Variants in CATSPERE observed in about 807,000 individuals in gnomAD.
CATSPERE encodes the protein cation channel sperm-associated auxiliary subunit epsilon.
CATSPERE carries 93 observed loss-of-function variants against 114.1 expected under a neutral mutation model. The observed-to-expected ratio is 0.81, with a 90% confidence interval of 0.69 to 0.97. The LOEUF (loss-of-function observed/expected upper bound fraction) is 0.97, where lower values mean the gene tolerates loss of function less well. Among genes scored for constraint, CATSPERE ranks in the 50% least tolerant of loss-of-function variants. CATSPERE has a pLI of 0.00. For missense variants in CATSPERE, 1,058 were observed against 1,131.6 expected (o/e 0.93, Z 0.93); for synonymous variants, 341 against 384.1 (o/e 0.89, Z 1.31).
intron 8 of CATSPERE, among the ~76,000 whole-genome samples, chr1:244,549,899 C>T (rs1254578172): frequency 6.6e-6 from 1 of 152,124 alleles, no homozygotes; most frequent in Non-Finnish European, 1.5e-5. Flanking sequence ...ATAACCCTCC[C>T]CAGTGTGGTT....
In CATSPERE at chr1:244,469,083, G is replaced by C. The variant is rs578004368; in HGVS notation, c.114+5127G>C. On this transcript the variant is annotated intron_variant, in intron 2 of 21. Transcript: ENST00000366534. ...ACCAAGTCACTTAAACATGAAGTTGGTAAGCATAGTGGGAACTTTCTGCAG... is the reference window on the plus strand; with the variant it reads ...ACCAAGTCACTTAAACATGAAGTTGCTAAGCATAGTGGGAACTTTCTGCAG... Among the ~76,000 whole-genome samples, 8 of 152,280 alleles carry C rather than the reference G, an allele frequency of 5.3e-5. No homozygotes were observed. The South Asian group carries it at 1.7e-3, about 32-fold the overall frequency.
intron 7 of CATSPERE, among the ~76,000 whole-genome samples, chr1:244,509,990 G>A (rs1029978200): frequency 6.6e-6 from 1 of 151,946 alleles, no homozygotes; most frequent in Non-Finnish European, 1.5e-5. Flanking sequence ...ACTCTAAGTA[G>A]CAGTTTATCG....
chr1:244,521,395 T>C (rs1416857433), intron 8 of CATSPERE, among the ~76,000 whole-genome samples: 2 of 152,058 alleles, frequency 1.3e-5, no homozygotes, highest in South Asian at 2.1e-4. Flanking sequence ...ATATGAAAAA[T>C]AAATGATATA....
chr1:244,460,167 A>T (rs1336597249), upstream of CATSPERE, among the ~76,000 whole-genome samples: 4 of 152,238 alleles, frequency 2.6e-5, no homozygotes, highest in African/African-American at 9.6e-5. Flanking sequence ...CAAAGACGGT[A>T]ACAACCCTTT....
Position 244,461,293 on chromosome 1 carries a change from T to G in CATSPERE, c.-137T>G. ...CGCGCACACTTCTCCCTCGCTGGTC[T>G]TCAGGCCCGGCCCGCCCTGTCCAGA... is the stretch of plus-strand genomic sequence containing the variant. On this transcript the variant is annotated 5_prime_UTR_variant, in exon 1 of 22. Coordinates refer to ENST00000366534, the MANE Select transcript of CATSPERE (RefSeq NM_001130957.2). 2 of 697,408 alleles carry G rather than the reference T, an allele frequency of 2.9e-6. No individual in the cohort carries two copies. Among genetic ancestry groups the G allele is most frequent in the East Asian group, 3.4e-5 (1 of 29,240 alleles). 43.2% of individuals were successfully genotyped at this position (697,408 alleles called of 1,614,324 possible). A position where few individuals can be genotyped will look rare whatever the true frequency, so the allele number is the denominator to read the frequency against.
upstream of CATSPERE, chr1:244,461,225 C>T (rs993125923): frequency 1.5e-5 from 6 of 405,530 alleles, no homozygotes; most frequent in South Asian, 5.5e-4. Flanking sequence ...ACTCCGGCTA[C>T]TTTCAGGCCT....
intron 14 of CATSPERE, 52 bp downstream of exon 14, chr1:244,588,586 G>T (rs1249208324): frequency 7.5e-7 from 1 of 1,340,978 alleles, no homozygotes; most frequent in African/African-American, 1.4e-5. Context: ...TAAAACAAAT[G>T]GTAAACTAAG....
chr1:244,553,248 A>G (rs1306917650), intron 9 of CATSPERE, among the ~76,000 whole-genome samples: 4 of 151,898 alleles, frequency 2.6e-5, no homozygotes, highest in Non-Finnish European at 4.4e-5. Flanking sequence ...CCTCTCTCCT[A>G]GTTACTTTGA....
chr1:244,572,734 T>G lies in CATSPERE; in HGVS notation c.1912T>G (p.Ser638Ala). The stretch of plus-strand genomic sequence containing the variant: ...AATATTACAAGAGAGTCATGAGATT[T>G]CCTTTGAAGCTGCCTTTGGATACTG... ...PKILQESHEI[S>A]FEAAFGYCTK... The change falls in exon 11 of 22, where the codon TCC (serine) becomes GCC (alanine). Residue 638 changes from serine (S) to alanine (A), a missense_variant. Coordinates refer to ENST00000366534, the MANE Select transcript of CATSPERE (RefSeq NM_001130957.2). The G allele has an allele frequency of 6.2e-7, 1 of 1,609,528 alleles. No homozygotes were observed. Among genetic ancestry groups the G allele is most frequent in the Non-Finnish European group, 8.5e-7 (1 of 1,178,358 alleles).
At chr1:244,631,312 C>A (rs1449083068) in intron 20 of CATSPERE, among the ~76,000 whole-genome samples, 1 of 152,066 alleles carries the variant, frequency 6.6e-6, no homozygotes, top group Admixed American at 6.6e-5. Context: ...ATATAGAAAT[C>A]ATAGACCTAA....
chr1:244,583,997 A>G, intron 13 of CATSPERE, 58 bp downstream of exon 13: 1 of 1,395,784 alleles, frequency 7.2e-7, no homozygotes, highest in Non-Finnish European at 1.0e-6. Flanking sequence ...TAGGCGGTCA[A>G]CCAAATAATG....
At chr1:244,549,690 T>C (rs1052569529) in intron 8 of CATSPERE, among the ~76,000 whole-genome samples, 1 of 152,156 alleles carries the variant, frequency 6.6e-6, no homozygotes, top group African/African-American at 2.4e-5. Context: ...GACCTTGTTA[T>C]TGTCTTTATT....
intron 8 of CATSPERE, among the ~76,000 whole-genome samples, chr1:244,531,545 G>T (rs1462367492): frequency 6.6e-6 from 1 of 151,718 alleles, no homozygotes; most frequent in Non-Finnish European, 1.5e-5. Context: ...ATGAAGTGAT[G>T]TTGAATTTTA....
rs1413682377 is a variant in CATSPERE at position 244,478,106 on chromosome 1, A to G, written c.258+131A>G. ...TTTTAAATAGTATTAATTGTTAACT[A>G]TAAACAAGCCCTATTTTAAAGTTAT... On this transcript the variant is annotated intron_variant, in intron 4 of 21. Transcript: ENST00000366534. The G allele has an allele frequency of 1.1e-5, 6 of 532,114 alleles. No individual in the cohort carries two copies. The Admixed American group carries it at 1.9e-4, about 17-fold the overall frequency. The allele number at this position is 532,114 out of a possible 1,614,324, so 33.0% of individuals were successfully genotyped here. A position where few individuals can be genotyped will look rare whatever the true frequency, so the allele number is the denominator to read the frequency against.
chr1:244,550,116 T>A (rs1660379914), intron 8 of CATSPERE, among the ~76,000 whole-genome samples: 1 of 152,178 alleles, frequency 6.6e-6, no homozygotes, highest in South Asian at 2.1e-4. Context: ...AGACTTACTC[T>A]GTTGGTTCTC....
In CATSPERE at chr1:244,590,782, C is replaced by T. The variant is rs115431533; in HGVS notation, c.2139-899C>T. 5.0e-3 allele frequency among the ~76,000 whole-genome samples: 767 copies of T among 152,302 alleles called. 9 individuals carry two copies. Among genetic ancestry groups the T allele is most frequent in the African/African-American group, 0.018 (741 of 41,552 alleles). On this transcript the variant is annotated intron_variant, in intron 14 of 21. Coordinates refer to ENST00000366534, the MANE Select transcript of CATSPERE (RefSeq NM_001130957.2). ...TGTATTAGTCCTTCCTTCCCTTTTA[C>T]GGCTGAGTAATATTCCATTGAATGG...
At chr1:244,527,449 C>T (rs936769715) in intron 8 of CATSPERE, among the ~76,000 whole-genome samples, 1 of 152,200 alleles carries the variant, frequency 6.6e-6, no homozygotes, top group Non-Finnish European at 1.5e-5. Context: ...CTCTCTTGTT[C>T]CCTGAACATT....
chr1:244,501,783 T>G (rs1674070472), intron 7 of CATSPERE, among the ~76,000 whole-genome samples: 2 of 152,256 alleles, frequency 1.3e-5, no homozygotes, highest in Non-Finnish European at 1.5e-5. Flanking sequence ...ATCCTTTCTA[T>G]GGCTCTCCAT....
chr1:244,495,105 C>T (rs1486815384), intron 6 of CATSPERE, among the ~76,000 whole-genome samples: 2 of 152,078 alleles, frequency 1.3e-5, no homozygotes, highest in Non-Finnish European at 2.9e-5. Flanking sequence ...CCAGTACACA[C>T]ACTCACAGAC....
Sources: allele counts gnomAD v4.1 joint callset (sites outside exome capture counted in the v4.1 genomes callset), GRCh38; gene constraint gnomAD v4.1.1; transcripts MANE v1.5; gene names NCBI Gene and HGNC (gene_info 2026-07-23, HGNC 2026-07-21).